The following KCNK10 variants were observed in gnomAD, a reference collection of about 807,000 sequenced individuals.
The protein encoded by KCNK10 is potassium channel subfamily K member 10.
In KCNK10, 25 loss-of-function variants were observed where a neutral mutation model predicts 47.7. The ratio of observed to expected loss-of-function variants is 0.52; its 90% CI spans 0.38 to 0.73. The LOEUF is 0.73. Among genes scored for constraint, KCNK10 ranks in the 30% least tolerant of loss-of-function variants. The pLI is 0.00. For synonymous variants in KCNK10, 303 were observed against 285.6 expected (o/e 1.06, Z -0.61); for missense variants, 563 against 714.5 (o/e 0.79, Z 2.42).
At chr14:88,244,630 T>G (rs1183243045) in intron 2 of KCNK10, among the ~76,000 whole-genome samples, 1 of 151,826 alleles carries the variant, frequency 6.6e-6, no homozygotes, top group Non-Finnish European at 1.5e-5. Flanking sequence ...ATCGCGCTAC[T>G]GCACTCCAGC....
At chr14:88,312,090 C>A (rs1888339924) in intron 1 of KCNK10, among the ~76,000 whole-genome samples, 1 of 152,108 alleles carries the variant, frequency 6.6e-6, no homozygotes, top group Non-Finnish European at 1.5e-5. Flanking sequence ...TCAACAATGT[C>A]CAGCTCCTGA....
rs1884572167 is a variant in KCNK10, at chr14:88,186,648, G to T, written c.1012-493C>A. The stretch of plus-strand genomic sequence containing the variant: ...CTTTCTGGTTTTCTATCCTGGCAGG[G>T]TGACCAACTTGTTCCAGTTTGCCTG... On this transcript the variant is annotated intron_variant, in intron 6 of 6. Coordinates refer to ENST00000319231, the MANE Select transcript of KCNK10 (RefSeq NM_138317.3). The surrounding 1 kb of genome is among the most constrained non-coding windows in gnomAD (Gnocchi z 5.5). Among the ~76,000 whole-genome samples the T allele has an allele frequency of 6.6e-6, 1 of 152,182 alleles. No individual in the cohort carries two copies. Among genetic ancestry groups the T allele is most frequent in the Non-Finnish European group, 1.5e-5 (1 of 68,028 alleles).
intron 4 of KCNK10, among the ~76,000 whole-genome samples, chr14:88,204,992 T>C (rs1885221595): frequency 6.6e-6 from 1 of 152,230 alleles, no homozygotes; most frequent in Admixed American, 6.5e-5. Flanking sequence ...CATTATAGTA[T>C]CATACACAAT....
In KCNK10 at chr14:88,261,602, A is replaced by G. The variant is rs181688207; in HGVS notation, c.402+1600T>C. On this transcript the variant is annotated intron_variant, in intron 2 of 6. Coordinates refer to ENST00000319231, the MANE Select transcript of KCNK10 (RefSeq NM_138317.3). Reference sequence around the variant, plus strand: ...AACCTGTCTCTACAAAAAAATGCAAAAAGTAGCCAGGCATGGTGGCACATG... The same window carrying G: ...AACCTGTCTCTACAAAAAAATGCAAGAAGTAGCCAGGCATGGTGGCACATG... Among the ~76,000 whole-genome samples the G allele has an allele frequency of 3.5e-4, 54 of 152,294 alleles. 1 individual carries two copies. In the East Asian group the frequency reaches 9.3e-3, roughly 26 times the overall value.
rs187078321 is a variant in KCNK10, at chr14:88,313,283, C to T, written c.52+9464G>A. Among the ~76,000 whole-genome samples the T allele has an allele frequency of 1.6e-3, 248 of 152,290 alleles. 3 individuals are homozygous for T. The highest frequency in any genetic ancestry group is 5.9e-4 in the Non-Finnish European group (40 of 68,030). On this transcript the variant is annotated intron_variant, in intron 1 of 6. Coordinates refer to ENST00000319231, the MANE Select transcript of KCNK10 (RefSeq NM_138317.3). ...AATAAATGATAGGAAAAAATTCTTA[C>T]GGTGATTTTTCAATATGTCTTCAAA...
chr14:88,180,376 C>T lies in KCNK10; in HGVS notation c.*5159G>A, dbSNP rs1884301892. On this transcript the variant is annotated 3_prime_UTR_variant, in exon 7 of 7. Coordinates refer to ENST00000319231, the MANE Select transcript of KCNK10 (RefSeq NM_138317.3). ...ATTTATCATCATTGTCACTGGGTCC[C>T]CTGTCTGTGACTCTGGGATGGGAAG... 1 of 160,442 alleles carries T rather than the reference C, an allele frequency of 6.2e-6. No individual in the cohort carries two copies. The highest frequency in any genetic ancestry group is 6.4e-5 in the Admixed American group (1 of 15,506). The allele number at this position is 160,442 out of a possible 1,614,324, so 9.9% of individuals were successfully genotyped here. A position where few individuals can be genotyped will look rare whatever the true frequency, so the allele number is the denominator to read the frequency against.
intron 5 of KCNK10, 59 bp downstream of exon 5, chr14:88,192,165 A>T: frequency 1.3e-6 from 2 of 1,488,146 alleles, no homozygotes; most frequent in Admixed American, 4.1e-5. Flanking sequence ...CGAAAAGCAC[A>T]GCCAACAGAT....
At chr14:88,306,648 C>A (rs545303224) in intron 1 of KCNK10, among the ~76,000 whole-genome samples, 1 of 151,436 alleles carries the variant, frequency 6.6e-6, no homozygotes, top group Non-Finnish European at 1.5e-5. Context: ...GGAAGGGATA[C>A]ACCATCTCAT....
chr14:88,203,203 C>T (rs1054463020), intron 4 of KCNK10, among the ~76,000 whole-genome samples: 4 of 150,266 alleles, frequency 2.7e-5, no homozygotes, highest in Admixed American at 1.3e-4. Context: ...TGTATATGCC[C>T]GGGCAGACAC....
At chr14:88,254,429 A>G (rs914175431) in intron 2 of KCNK10, among the ~76,000 whole-genome samples, 2 of 152,146 alleles carry the variant, frequency 1.3e-5, no homozygotes, top group Non-Finnish European at 2.9e-5. Flanking sequence ...ACCAGAAGAA[A>G]TGGCAGCCAT....
chr14:88,287,469 C>A lies in KCNK10; in HGVS notation c.53-23918G>T, dbSNP rs1887786456. 2.0e-5 allele frequency among the ~76,000 whole-genome samples: 3 copies of A among 152,132 alleles called. No homozygotes were observed. In the South Asian group the frequency reaches 6.2e-4, roughly 32 times the overall value. ...ATTTGCTGTCTTTTATCCCTCACTG[C>A]CCCCACCCTTTTCACCAAGTCCCCA... On this transcript the variant is annotated intron_variant, in intron 1 of 6. Transcript: ENST00000319231.
chr14:88,238,295 T>C (rs748956025), intron 3 of KCNK10, among the ~76,000 whole-genome samples: 3 of 152,250 alleles, frequency 2.0e-5, no homozygotes, highest in Non-Finnish European at 4.4e-5. Context: ...ACTACAATTT[T>C]CTCCATATCA....
intron 1 of KCNK10, among the ~76,000 whole-genome samples, chr14:88,264,509 C>T (rs571708167): frequency 6.6e-6 from 1 of 152,334 alleles, no homozygotes; most frequent in South Asian, 2.1e-4. Context: ...AACAGTCCCA[C>T]TCCAGCAGGG....
chr14:88,245,970 T>A (rs1886626153), intron 2 of KCNK10, among the ~76,000 whole-genome samples: 2 of 152,124 alleles, frequency 1.3e-5, no homozygotes, highest in African/African-American at 4.8e-5. Flanking sequence ...ACGTTCTTAC[T>A]CCCTGAACGG....
intron 3 of KCNK10, among the ~76,000 whole-genome samples, chr14:88,229,233 C>A (rs1341867489): frequency 6.6e-6 from 1 of 152,136 alleles, no homozygotes; most frequent in Non-Finnish European, 1.5e-5. Flanking sequence ...ACAAGTGCTA[C>A]ACCCCCTTCC....
chr14:88,236,966 G>A (rs1886318935), intron 3 of KCNK10, among the ~76,000 whole-genome samples: 1 of 152,160 alleles, frequency 6.6e-6, no homozygotes, highest in African/African-American at 2.4e-5. Flanking sequence ...CAACAAAGAA[G>A]TTGGCCACAT....
chr14:88,227,194 A>C (rs1595091863), intron 4 of KCNK10, among the ~76,000 whole-genome samples, 181 bp downstream of exon 4: 1 of 152,330 alleles, frequency 6.6e-6, no homozygotes, highest in East Asian at 1.9e-4. Flanking sequence ...GAAGCTACTC[A>C]AAGAAGGGAG....
At chr14:88,287,555 C>T (rs1887788655) in intron 1 of KCNK10, among the ~76,000 whole-genome samples, 4 of 152,150 alleles carry the variant, frequency 2.6e-5, no homozygotes, top group Admixed American at 2.0e-4. Context: ...AGTAAGAACA[C>T]ACAATGTTTG....
chr14:88,254,608 G>A, intron 2 of KCNK10, among the ~76,000 whole-genome samples: 1 of 152,262 alleles, frequency 6.6e-6, no homozygotes, highest in Middle Eastern at 3.4e-3. Context: ...TTTATTCTTT[G>A]AGGATCACAA....
Sources: gnomAD v4.1 joint callset for allele counts (sites outside exome capture counted in the v4.1 genomes callset) on GRCh38, gnomAD v4.1.1 for gene constraint, Gnocchi (gnomAD v3.1) non-coding constraint, MANE v1.5 for transcripts, NCBI Gene and HGNC (gene_info 2026-07-23, HGNC 2026-07-21) for gene names.